STAT1: variants seen among roughly 807,000 people sequenced by gnomAD.
The protein encoded by STAT1 is signal transducer and activator of transcription 1-alpha/beta.
STAT1 carries 24 observed loss-of-function variants against 111.7 expected under a neutral mutation model. The observed-to-expected ratio is 0.21, with a 90% CI of 0.16 to 0.30. STAT1 has a LOEUF of 0.30. Ranked by LOEUF, STAT1 falls within the 10% of genes least tolerant of loss-of-function variation. STAT1 has a pLI of 1.00. For missense variants in STAT1, 351 were observed against 911.9 expected (o/e 0.38, Z 7.92); for synonymous variants, 332 against 326.5 (o/e 1.02, Z -0.18).
At chr2:191,013,001 A>C (rs1019672538) in intron 2 of STAT1, among the ~76,000 whole-genome samples, 2 of 152,216 alleles carry the variant, frequency 1.3e-5, no homozygotes, top group Non-Finnish European at 2.9e-5. Context: ...TGATGCCTCC[A>C]GAGTCCCCGG....
rs772423328 is a variant in STAT1, at chr2:191,003,476, C to G, written c.373-2313G>C. Reference sequence around the variant, plus strand: ...GGCCTGGTGGAAGGTGACTGGATCACGGGGACAGTTTCTCATGAATAGTTT... The same window carrying G: ...GGCCTGGTGGAAGGTGACTGGATCAGGGGGACAGTTTCTCATGAATAGTTT... On this transcript the variant is annotated intron_variant, in intron 5 of 24. Coordinates refer to ENST00000361099, the MANE Select transcript of STAT1 (RefSeq NM_007315.4). The surrounding 1 kb of genome is among the most constrained non-coding windows in gnomAD (Gnocchi z 4.0). Among the ~76,000 whole-genome samples, 2 of 152,192 alleles carry G rather than the reference C, an allele frequency of 1.3e-5. No homozygotes were observed. Among genetic ancestry groups the G allele is most frequent in the African/African-American group, 4.8e-5 (2 of 41,438 alleles).
Position 190,993,188 on chromosome 2 carries a change from T to C in STAT1, c.945-1868A>G, listed in dbSNP as rs1693519889. ...GTCTACTACTTTCTCTGTGGTCAGATCACACTTGTTCCCTACCAACAATTT... is the reference window on the plus strand; with the variant it reads ...GTCTACTACTTTCTCTGTGGTCAGACCACACTTGTTCCCTACCAACAATTT... On this transcript the variant is annotated intron_variant, in intron 10 of 24. Transcript: ENST00000361099. This position sits in a 1 kb window ranked among gnomAD's most constrained non-coding sequence, Gnocchi z 4.1. 10 of 525,038 alleles carry C rather than the reference T, an allele frequency of 1.9e-5. No individual in the cohort carries two copies. The highest frequency in any genetic ancestry group is 3.5e-4 in the Middle Eastern group (1 of 2,882). 32.5% of individuals were successfully genotyped at this position (525,038 alleles called of 1,614,324 possible).
At position 190,990,332 on chromosome 2, in the gene STAT1, C is replaced by T. The variant is rs1693214161; in HGVS notation, c.1038-658G>A. On this transcript the variant is annotated intron_variant, in intron 11 of 24. Coordinates refer to ENST00000361099, the MANE Select transcript of STAT1 (RefSeq NM_007315.4). The surrounding 1 kb of genome is among the most constrained non-coding windows in gnomAD (Gnocchi z 5.1). ...CGAGGGCTTCAGTGTGACATTGTAC[C>T]TACCAGCCAGGGAGGGTTAACCACA... 6.6e-6 allele frequency among the ~76,000 whole-genome samples: 1 copy of T among 152,162 alleles called. No homozygotes were observed. The highest frequency in any genetic ancestry group is 2.1e-4 in the South Asian group (1 of 4,830).
rs1196152798 is a variant in STAT1 at position 190,976,988 on chromosome 2, TTTC to T, written c.1908_1910del (p.Lys637del). On this transcript the variant is annotated inframe_deletion, in exon 22 of 25. Transcript: ENST00000361099. The surrounding 1 kb of genome is among the most constrained non-coding windows in gnomAD (Gnocchi z 6.0). ...CAGGGAAAGTAACAGCAGAAAGTTCTTTCTTCGTGTAGGGTTCAACCGCATGGA... is the reference window on the plus strand; with the variant it reads ...CAGGGAAAGTAACAGCAGAAAGTTCTTTCGTGTAGGGTTCAACCGCATGGA... The T allele has an allele frequency of 6.2e-7, 1 of 1,614,098 alleles. No individual in the cohort carries two copies. Among genetic ancestry groups the T allele is most frequent in the Non-Finnish European group, 8.5e-7 (1 of 1,180,054 alleles).
In STAT1 at chr2:190,974,774, G is replaced by T; in HGVS notation, c.2238+56C>A. 1 of 1,486,484 alleles carries T rather than the reference G, an allele frequency of 6.7e-7. No individual in the cohort carries two copies. The highest frequency in any genetic ancestry group is 9.4e-7 in the Non-Finnish European group (1 of 1,064,246). 92.1% of individuals were successfully genotyped at this position (1,486,484 alleles called of 1,614,324 possible). A position where few individuals can be genotyped will look rare whatever the true frequency, so the allele number is the denominator to read the frequency against. ...CGGGATCTGCCATGGTGCGCTCCCT[G>T]CCTCTGAGCACACACACTTATTGAG... On this transcript the variant is annotated intron_variant, in intron 24 of 24. Transcript: ENST00000361099. The surrounding 1 kb of genome is among the most constrained non-coding windows in gnomAD (Gnocchi z 4.8).
chr2:191,009,979 G>A lies in STAT1; in HGVS notation c.25C>T (p.Gln9Ter). MSQWYELQQLDSKFLEQVH... is the reference protein window; with the variant it reads MSQWYELQ ...TGCTCCAGGAATTTTGAGTCAAGCT[G>A]CTGAAGTTCGTACCACTGAGACATC... is the stretch of plus-strand genomic sequence containing the variant. The change falls in exon 3 of 25, where the codon CAG becomes TAG. Residue 9 changes from glutamine to a stop codon, truncating the protein, a stop_gained. Transcript: ENST00000361099. LOFTEE classifies it high-confidence loss of function. 6.2e-7 allele frequency: 1 copy of A among 1,613,990 alleles called. No individual in the cohort carries two copies. The highest frequency in any genetic ancestry group is 8.5e-7 in the Non-Finnish European group (1 of 1,179,916).
At chr2:190,988,033 A>G (rs1458046311) in intron 12 of STAT1, among the ~76,000 whole-genome samples, 1 of 152,012 alleles carries the variant, frequency 6.6e-6, no homozygotes, top group Non-Finnish European at 1.5e-5. Context: ...TGGCAACACA[A>G]CTCTTGTGCT....
Position 190,999,784 on chromosome 2 carries a change from G to A in STAT1, c.463-80C>T. ...TAGGCAACAGAGTATTGCTTCTATG[G>A]AACCCAGAGAAACACGAAAACAATT... On this transcript the variant is annotated intron_variant, in intron 6 of 24. Coordinates refer to ENST00000361099, the MANE Select transcript of STAT1 (RefSeq NM_007315.4). The surrounding 1 kb of genome is among the most constrained non-coding windows in gnomAD (Gnocchi z 4.1). 2.0e-6 allele frequency: 2 copies of A among 976,078 alleles called. No individual in the cohort carries two copies. The highest frequency in any genetic ancestry group is 2.7e-5 in the South Asian group (2 of 75,052). The allele number at this position is 976,078 out of a possible 1,614,324, so 60.5% of individuals were successfully genotyped here. A position where few individuals can be genotyped will look rare whatever the true frequency, so the allele number is the denominator to read the frequency against.
In STAT1 at chr2:190,980,754, C is replaced by T; in HGVS notation, c.1583-85G>A. 1 of 1,379,924 alleles carries T rather than the reference C, an allele frequency of 7.2e-7. No individual in the cohort carries two copies. Among genetic ancestry groups the T allele is most frequent in the African/African-American group, 1.4e-5 (1 of 70,188 alleles). 85.5% of individuals were successfully genotyped at this position (1,379,924 alleles called of 1,614,324 possible). A position where few individuals can be genotyped will look rare whatever the true frequency, so the allele number is the denominator to read the frequency against. ...GACGGATGGCTCTTGTATTTGCTCT[C>T]AAGGAAAAGAGCCAAACACCCAACA... On this transcript the variant is annotated intron_variant, in intron 18 of 24. Coordinates refer to ENST00000361099, the MANE Select transcript of STAT1 (RefSeq NM_007315.4). This position sits in a 1 kb window ranked among gnomAD's most constrained non-coding sequence, Gnocchi z 6.1.
Position 190,997,691 on chromosome 2 carries a change from GT to G in STAT1, c.785+164del, listed in dbSNP as rs758347111. Among the ~76,000 whole-genome samples the G allele has an allele frequency of 6.6e-6, 1 of 152,166 alleles. No homozygotes were observed. Among genetic ancestry groups the G allele is most frequent in the Non-Finnish European group, 1.5e-5 (1 of 68,028 alleles). On this transcript the variant is annotated intron_variant, in intron 9 of 24. Coordinates refer to ENST00000361099, the MANE Select transcript of STAT1 (RefSeq NM_007315.4). This position sits in a 1 kb window ranked among gnomAD's most constrained non-coding sequence, Gnocchi z 7.3. ...CGTGGCGAGAGTCATGAATAACACT[GT>G]GCTTTCCAAGGGAGTGTTTCCAGGG...
chr2:191,000,661 A>G lies in STAT1; in HGVS notation c.462+413T>C, dbSNP rs1326223481. Among the ~76,000 whole-genome samples, 2 of 152,232 alleles carry G rather than the reference A, an allele frequency of 1.3e-5. No individual in the cohort carries two copies. Among genetic ancestry groups the G allele is most frequent in the Admixed American group, 1.3e-4 (2 of 15,290 alleles). On this transcript the variant is annotated intron_variant, in intron 6 of 24. Coordinates refer to ENST00000361099, the MANE Select transcript of STAT1 (RefSeq NM_007315.4). The surrounding 1 kb of genome is among the most constrained non-coding windows in gnomAD (Gnocchi z 4.8). ...GAAATGTATCCAAATTTCTTTCAAT[A>G]AAATGTATTTTTGTTCCTCTTCCAA...
rs778766228 is a variant in STAT1 at position 190,989,723 on chromosome 2, A to G, written c.1038-49T>C. The G allele has an allele frequency of 5.9e-6, 8 of 1,348,062 alleles. No homozygotes were observed. Among genetic ancestry groups the G allele is most frequent in the Middle Eastern group, 2.0e-4 (1 of 4,942 alleles). 83.5% of individuals were successfully genotyped at this position (1,348,062 alleles called of 1,614,324 possible). On this transcript the variant is annotated intron_variant, in intron 11 of 24. Coordinates refer to ENST00000361099, the MANE Select transcript of STAT1 (RefSeq NM_007315.4). The surrounding 1 kb of genome is among the most constrained non-coding windows in gnomAD (Gnocchi z 5.0). ...TACTTAAAAAAAATTATCTGTTACA[A>G]TTTATTTATTATGCCAATTCCCTAT...
At position 191,007,463 on chromosome 2, in the gene STAT1, G is replaced by A; in HGVS notation, c.372+100C>T. 1.1e-6 allele frequency: 1 copy of A among 872,302 alleles called. No homozygotes were observed. The highest frequency in any genetic ancestry group is 1.9e-6 in the Non-Finnish European group (1 of 537,108). The allele number at this position is 872,302 out of a possible 1,614,324, so 54.0% of individuals were successfully genotyped here. On this transcript the variant is annotated intron_variant, in intron 5 of 24. Transcript: ENST00000361099. This position sits in a 1 kb window ranked among gnomAD's most constrained non-coding sequence, Gnocchi z 4.2. ...CACTTCTTGGGGCTATAAAATTAGA[G>A]AGATATTCATCATTGCTTTGACATG...
At position 190,999,097 on chromosome 2, in the gene STAT1, A is replaced by G. The variant is rs1694070539; in HGVS notation, c.541+529T>C. ...GCTACTCTCATTAAAAACACGCAAC[A>G]GTAAGAAAATACAGTAAAACTGCTT... is the stretch of plus-strand genomic sequence containing the variant. On this transcript the variant is annotated intron_variant, in intron 7 of 24. Transcript: ENST00000361099. The surrounding 1 kb of genome is among the most constrained non-coding windows in gnomAD (Gnocchi z 4.1). Among the ~76,000 whole-genome samples the G allele has an allele frequency of 1.3e-5, 2 of 152,252 alleles. No individual in the cohort carries two copies. Among genetic ancestry groups the G allele is most frequent in the South Asian group, 4.1e-4 (2 of 4,836 alleles).
intron 10 of STAT1, chr2:190,992,526 TG>T: frequency 3.2e-6 from 1 of 310,254 alleles, no homozygotes; most frequent in Non-Finnish European, 5.8e-6. Flanking sequence ...TCTGTGGATA[TG>T]GTAAGAATCT....
intron 24 of STAT1, among the ~76,000 whole-genome samples, chr2:190,972,117 G>A (rs1036717139): frequency 2.6e-5 from 4 of 152,188 alleles, no homozygotes; most frequent in Non-Finnish European, 5.9e-5. Context: ...CCCAGATTCA[G>A]ATCCTGTCAC....
In STAT1 at chr2:190,971,566, T is replaced by G. The variant is rs1193440944; in HGVS notation, c.2239-849A>C. Among the ~76,000 whole-genome samples the G allele has an allele frequency of 6.6e-6, 1 of 152,104 alleles. No individual in the cohort carries two copies. Among genetic ancestry groups the G allele is most frequent in the Non-Finnish European group, 1.5e-5 (1 of 68,006 alleles). On this transcript the variant is annotated intron_variant, in intron 24 of 24. Transcript: ENST00000361099. The surrounding 1 kb of genome is among the most constrained non-coding windows in gnomAD (Gnocchi z 4.1). ...ACACATGGCACTAGACTGGAAAGCCTCTGGAGAACTTTTTTTTAATCCCAA... is the reference window on the plus strand; with the variant it reads ...ACACATGGCACTAGACTGGAAAGCCGCTGGAGAACTTTTTTTTAATCCCAA...
rs1016220441 is a variant in STAT1 at position 190,990,566 on chromosome 2, G to A, written c.1037+662C>T. 1.3e-5 allele frequency among the ~76,000 whole-genome samples: 2 copies of A among 152,178 alleles called. No homozygotes were observed. The highest frequency in any genetic ancestry group is 2.4e-5 in the African/African-American group (1 of 41,452). ...CAAAACAATGTATGTAGCCTACTCC[G>A]AGTTTTTAAAAAAGAAATATGTCAT... On this transcript the variant is annotated intron_variant, in intron 11 of 24. Transcript: ENST00000361099. This position sits in a 1 kb window ranked among gnomAD's most constrained non-coding sequence, Gnocchi z 5.1.
At chr2:191,009,854 C>T in intron 3 of STAT1, 22 bp downstream of exon 3, 1 of 1,613,370 alleles carries the variant, frequency 6.2e-7, no homozygotes, top group African/African-American at 1.3e-5. Context: ...ACTTCTTCTT[C>T]TGTCTAGTGA....
Sources: allele counts gnomAD v4.1 joint callset (sites outside exome capture counted in the v4.1 genomes callset), GRCh38; gene constraint gnomAD v4.1.1; non-coding constraint Gnocchi (gnomAD v3.1); transcripts MANE v1.5; gene names NCBI Gene and HGNC (gene_info 2026-07-23, HGNC 2026-07-21).